Variants in WDPCP observed in about 807,000 individuals in gnomAD.
WDPCP encodes the protein WD repeat-containing and planar cell polarity effector protein fritz homolog.
A neutral mutation model predicts 93.1 loss-of-function variants in WDPCP; 71 were observed. That is an observed-to-expected ratio of 0.76 (90% CI 0.63 to 0.93). The LOEUF is 0.93. Ranked by LOEUF, WDPCP falls within the 40% of genes least tolerant of loss-of-function variation. The probability of loss-of-function intolerance (pLI) is 0.00; values close to 1 mark genes in which losing one functional copy is unlikely to be tolerated. For missense variants in WDPCP, 844 were observed against 887.4 expected (o/e 0.95, Z 0.62); for synonymous variants, 315 against 315.0 (o/e 1.00, Z 0.00).
At chr2:63,408,673 G>T (rs571359179) in intron 9 of WDPCP, among the ~76,000 whole-genome samples, 3 of 152,234 alleles carry the variant, frequency 2.0e-5, no homozygotes, top group East Asian at 3.9e-4. Context: ...AGCCTGGCTC[G>T]CCCACTGCCT....
chr2:63,725,252 T>C (rs958179331), intron 2 of WDPCP, among the ~76,000 whole-genome samples: 1 of 152,208 alleles, frequency 6.6e-6, no homozygotes, highest in African/African-American at 2.4e-5. Flanking sequence ...TTAGTGTCCA[T>C]GTGTACTCAA....
chr2:63,586,745 T>C (rs550604543), intron 1 of WDPCP, among the ~76,000 whole-genome samples: 4 of 152,316 alleles, frequency 2.6e-5, no homozygotes, highest in African/African-American at 4.8e-5. Flanking sequence ...TGGATGGGAA[T>C]ACGGGGGCTT....
chr2:63,819,712 T>G (rs1670991621), intron 1 of WDPCP, among the ~76,000 whole-genome samples: 1 of 152,194 alleles, frequency 6.6e-6, no homozygotes, highest in Non-Finnish European at 1.5e-5. Context: ...TCAGAAAAGT[T>G]GGTAAACTGG....
At chr2:63,415,074 A>G (rs180961921) in intron 9 of WDPCP, among the ~76,000 whole-genome samples, 1 of 152,300 alleles carries the variant, frequency 6.6e-6, no homozygotes, top group Non-Finnish European at 1.5e-5. Flanking sequence ...AGATACCATA[A>G]AAGTTTAAAG....
chr2:63,492,853 T>TA lies in WDPCP; in HGVS notation c.160+2dup. The TA allele has an allele frequency of 1.2e-6, 2 of 1,613,398 alleles. No individual in the cohort carries two copies. Among genetic ancestry groups the TA allele is most frequent in the Non-Finnish European group, 1.7e-6 (2 of 1,179,584 alleles). The stretch of plus-strand genomic sequence containing the variant: ...TATTGAAATTAATCCAGAGCTCATT[T>TA]ACCCGCAATGTGTAAGGTATTCTTC... On this transcript the variant is annotated splice_region_variant and intron_variant, in intron 2 of 17. Coordinates refer to ENST00000272321, the MANE Select transcript of WDPCP (RefSeq NM_015910.7).
At chr2:63,516,644 G>C (rs544374571) in intron 1 of WDPCP, among the ~76,000 whole-genome samples, 623 of 8,406 alleles carry the variant, frequency 0.074, 5 homozygotes, top group African/African-American at 0.15. Context: ...AGCCACCTTG[G>C]ATGGAAATCC....
At chr2:63,286,385 C>T (rs1392398683) in intron 13 of WDPCP, among the ~76,000 whole-genome samples, 1 of 152,104 alleles carries the variant, frequency 6.6e-6, no homozygotes, top group Non-Finnish European at 1.5e-5. Context: ...TTGTAATCTC[C>T]CCCACCCTTA....
rs35714297 is a variant in WDPCP at position 63,793,870 on chromosome 2, T to TTGTGTGTG, written n.308+19744_308+19751dup. The stretch of plus-strand genomic sequence containing the variant: ...TTTTGTAAAATACTTAGTACTTACA[T>TTGTGTGTG]TGTGTGTGTGTGTGTGTGTGTGTGT... On this transcript the variant is annotated intron_variant and non_coding_transcript_variant, in intron 2 of 4. Coordinates refer to the WDPCP transcript ENST00000467687. 4.8e-3 allele frequency among the ~76,000 whole-genome samples: 691 copies of TTGTGTGTG among 145,348 alleles called. 9 individuals are homozygous for TTGTGTGTG. Among genetic ancestry groups the TTGTGTGTG allele is most frequent in the African/African-American group, 0.016 (637 of 39,550 alleles).
At chr2:63,329,023 CTTAAT>C (rs1247164256) in intron 12 of WDPCP, among the ~76,000 whole-genome samples, 1 of 152,170 alleles carries the variant, frequency 6.6e-6, no homozygotes, top group Non-Finnish European at 1.5e-5. Flanking sequence ...GCCTGGCCCT[CTTAAT>C]TTGTTTACTT....
intron 2 of WDPCP, among the ~76,000 whole-genome samples, chr2:63,761,034 G>A (rs2103914214): frequency 1.3e-5 from 2 of 152,266 alleles, no homozygotes; most frequent in South Asian, 4.1e-4. Context: ...CTCCCTCAAG[G>A]GAGGATGAAC....
rs780342443 is a variant in WDPCP, at chr2:63,378,428, T to C, written c.1706A>G (p.Gln569Arg). The C allele has an allele frequency of 1.9e-6, 3 of 1,613,156 alleles. No homozygotes were observed. Among genetic ancestry groups the C allele is most frequent in the Non-Finnish European group, 2.5e-6 (3 of 1,179,456 alleles). ...GAATCTCCTTGCATATTTGCTGATT[T>C]GATCTCTATATTCCAATATAGTGGA... ...LDSTILEYRD[Q>R]ISKYARRFFH... The change falls in exon 12 of 18, where the codon CAA becomes CGA. Residue 569 changes from glutamine to arginine, a missense_variant. Coordinates refer to ENST00000272321, the MANE Select transcript of WDPCP (RefSeq NM_015910.7).
intron 12 of WDPCP, among the ~76,000 whole-genome samples, chr2:63,326,349 G>T (rs190128012): frequency 3.3e-5 from 5 of 152,264 alleles, no homozygotes; most frequent in African/African-American, 9.6e-5. Flanking sequence ...TGTTGATGGA[G>T]GTTCGTTTGT....
At chr2:63,667,517 T>C (rs1158406766) in intron 2 of WDPCP, among the ~76,000 whole-genome samples, 4 of 152,244 alleles carry the variant, frequency 2.6e-5, no homozygotes, top group African/African-American at 9.6e-5. Flanking sequence ...TTCAGTTTTT[T>C]TGGCCACTTT....
chr2:63,626,428 C>T (rs1388162024), intron 3 of WDPCP, among the ~76,000 whole-genome samples: 2 of 152,108 alleles, frequency 1.3e-5, no homozygotes, highest in Non-Finnish European at 2.9e-5. Flanking sequence ...AAAATATTTG[C>T]AATCTATCTA....
At chr2:63,441,761 C>A (rs563698711) in intron 6 of WDPCP, 1 of 152,112 alleles carries the variant, frequency 6.6e-6, no homozygotes, top group African/African-American at 2.4e-5. Context: ...CACTGCTTCA[C>A]AGGAAAACTA....
chr2:63,616,783 T>C (rs890639828), intron 3 of WDPCP, among the ~76,000 whole-genome samples: 3 of 152,140 alleles, frequency 2.0e-5, no homozygotes, highest in Non-Finnish European at 4.4e-5. Flanking sequence ...TTAGTGATAA[T>C]GTGAAAAGGA....
At chr2:63,261,729 A>G (rs1681649629) in intron 13 of WDPCP, among the ~76,000 whole-genome samples, 1 of 152,196 alleles carries the variant, frequency 6.6e-6, no homozygotes, top group Non-Finnish European at 1.5e-5. Context: ...GTCTTGTTAT[A>G]TAAGTACCTA....
chr2:63,235,803 T>TGATAAAAACCCTCAACAAA (rs1679339278), intron 14 of WDPCP, among the ~76,000 whole-genome samples: 1 of 152,104 alleles, frequency 6.6e-6, no homozygotes, highest in Non-Finnish European at 1.5e-5. Context: ...ACATCCTTCT[T>TGATAAAAACCCTCAACAAA]GATAAAAACC....
intron 15 of WDPCP, among the ~76,000 whole-genome samples, chr2:63,165,291 A>G (rs1289033555): frequency 6.6e-6 from 1 of 152,198 alleles, no homozygotes; most frequent in Non-Finnish European, 1.5e-5. Context: ...CAACATCTAT[A>G]TAAATAATTG....
Sources: gnomAD v4.1 joint callset for allele counts (sites outside exome capture counted in the v4.1 genomes callset) on GRCh38, gnomAD v4.1.1 for gene constraint, MANE v1.5 for transcripts, NCBI Gene and HGNC (gene_info 2026-07-23, HGNC 2026-07-21) for gene names.